Variants in ITGB3BP observed in about 807,000 individuals in gnomAD.
The protein encoded by ITGB3BP is integrin subunit beta 3 binding protein.
In ITGB3BP, 27 loss-of-function variants were observed where a neutral mutation model predicts 29.1. The ratio of observed to expected loss-of-function variants is 0.93; its 90% CI spans 0.68 to 1.28. The LOEUF (loss-of-function observed/expected upper bound fraction) is 1.28, where lower values mean the gene tolerates loss of function less well. Among genes scored for constraint, ITGB3BP ranks in the 50% most tolerant of loss-of-function variants. The probability of loss-of-function intolerance (pLI) is 0.00; values close to 1 mark genes in which losing one functional copy is unlikely to be tolerated. For missense variants in ITGB3BP, 192 were observed against 200.2 expected (o/e 0.96, Z 0.25); for synonymous variants, 61 against 61.4 (o/e 0.99, Z 0.03).
chr1:63,471,128 T>G (rs1416799931), intron 4 of ITGB3BP, among the ~76,000 whole-genome samples: 1 of 152,246 alleles, frequency 6.6e-6, no homozygotes, highest in African/African-American at 2.4e-5. Flanking sequence ...TGCAAATCTT[T>G]TCACGCTGGG....
At chr1:63,444,117 G>T (rs1644760736) in intron 8 of ITGB3BP, among the ~76,000 whole-genome samples, 1 of 152,044 alleles carries the variant, frequency 6.6e-6, no homozygotes, top group Non-Finnish European at 1.5e-5. Context: ...GAAGTTGACT[G>T]GTAGCTCAAC....
chr1:63,450,357 A>G (rs1420897006), intron 7 of ITGB3BP, among the ~76,000 whole-genome samples: 3 of 151,962 alleles, frequency 2.0e-5, no homozygotes, highest in East Asian at 1.9e-4. Context: ...CTGCTCTACA[A>G]TTTGCTTACA....
At chr1:63,471,465 A>G (rs1311795827) in intron 4 of ITGB3BP, among the ~76,000 whole-genome samples, 2 of 151,908 alleles carry the variant, frequency 1.3e-5, no homozygotes, top group Non-Finnish European at 2.9e-5. Context: ...GTTAGCCAGG[A>G]TGGTCTCTAT....
chr1:63,472,706 A>AC (rs1272760813), intron 4 of ITGB3BP, among the ~76,000 whole-genome samples: 1 of 150,888 alleles, frequency 6.6e-6, no homozygotes, highest in Non-Finnish European at 1.5e-5. Flanking sequence ...CCAGCTCCTA[A>AC]CCGCGAGTGA....
At chr1:63,507,454 T>C (rs1301016256) in intron 2 of ITGB3BP, among the ~76,000 whole-genome samples, 1 of 152,136 alleles carries the variant, frequency 6.6e-6, no homozygotes, top group African/African-American at 2.4e-5. Context: ...ATTTAAACAA[T>C]GTTACCATCT....
At chr1:63,459,989 A>C (rs1348952659) in intron 4 of ITGB3BP, among the ~76,000 whole-genome samples, 1 of 152,094 alleles carries the variant, frequency 6.6e-6, no homozygotes, top group East Asian at 1.9e-4. Context: ...AAATCTGGTC[A>C]ATATAAATAA....
chr1:63,503,369 T>C (rs1292112500), intron 2 of ITGB3BP, among the ~76,000 whole-genome samples: 3 of 151,950 alleles, frequency 2.0e-5, no homozygotes, highest in Non-Finnish European at 4.4e-5. Flanking sequence ...GTTGTTTTTT[T>C]CTTGTAAATT....
intron 2 of ITGB3BP, chr1:63,529,116 A>AAAATAC (rs1282249166): frequency 2.0e-5 from 3 of 152,218 alleles, no homozygotes; most frequent in Non-Finnish European, 4.4e-5. Flanking sequence ...CACACTAGGC[A>AAAATAC]AAATACTTAC....
In ITGB3BP at chr1:63,454,905, A is replaced by G; in HGVS notation, c.318T>C (p.Asn106=). 6.5e-7 allele frequency: 1 copy of G among 1,534,896 alleles called. No homozygotes were observed. Among genetic ancestry groups the G allele is most frequent in the Non-Finnish European group, 9.0e-7 (1 of 1,109,686 alleles). Residue 106 remains asparagine (N), a synonymous_variant, in exon 5 of 9, where the codon AAT becomes AAC. Transcript: ENST00000271002. This position sits in a 1 kb window ranked among gnomAD's most constrained non-coding sequence, Gnocchi z 4.1. The part of the protein sequence containing the change: ...LSEEIMEIMQ[N]LSSIQALEGS... ...AAATGCAAACCTGTATACTACTTAAATTTTGCATTATCTCCATGATTTCTT... is the reference window on the plus strand; with the variant it reads ...AAATGCAAACCTGTATACTACTTAAGTTTTGCATTATCTCCATGATTTCTT...
At chr1:63,441,876 G>A (rs780660556) in intron 8 of ITGB3BP, among the ~76,000 whole-genome samples, 5 of 152,164 alleles carry the variant, frequency 3.3e-5, no homozygotes, top group Admixed American at 1.3e-4. Context: ...AGCCCTTGAA[G>A]GAAGCAGCCT....
At chr1:63,469,472 A>ATGGG (rs1645158683) in intron 4 of ITGB3BP, among the ~76,000 whole-genome samples, 2 of 152,126 alleles carry the variant, frequency 1.3e-5, no homozygotes, top group African/African-American at 4.8e-5. Flanking sequence ...GATTACAGAC[A>ATGGG]TGGGCACCAT....
chr1:63,523,677 C>T (rs1646518205), upstream of ITGB3BP: 1 of 173,894 alleles, frequency 5.8e-6, no homozygotes, highest in South Asian at 1.2e-4. Flanking sequence ...CTCCCTCTGT[C>T]CCTCTCTGTG....
chr1:63,525,569 T>C, upstream of ITGB3BP: 1 of 1,483,726 alleles, frequency 6.7e-7, no homozygotes, highest in Non-Finnish European at 8.9e-7. Context: ...TATTTTCCAA[T>C]AGAATGGCGA....
chr1:63,522,946 A>C, intron 1 of ITGB3BP, 183 bp downstream of exon 1: 1 of 790,226 alleles, frequency 1.3e-6, no homozygotes, highest in South Asian at 1.3e-5. Context: ...GGACTATCGT[A>C]TGAGTACCGC....
chr1:63,450,937 G>A (rs750646749), intron 7 of ITGB3BP, among the ~76,000 whole-genome samples: 22 of 151,654 alleles, frequency 1.5e-4, no homozygotes, highest in Non-Finnish European at 3.1e-4. Flanking sequence ...AATTTCTCTT[G>A]AATAAGTTAT....
At chr1:63,467,098 G>T (rs1645111802) in intron 4 of ITGB3BP, among the ~76,000 whole-genome samples, 1 of 152,086 alleles carries the variant, frequency 6.6e-6, no homozygotes, top group South Asian at 2.1e-4. Flanking sequence ...GCCCAGGCTG[G>T]TCTCTAACTC....
At chr1:63,512,206 A>G (rs908229922) in intron 1 of ITGB3BP, among the ~76,000 whole-genome samples, 3 of 152,114 alleles carry the variant, frequency 2.0e-5, no homozygotes, top group Admixed American at 6.5e-5. Flanking sequence ...AAAGCATTTG[A>G]CATGCAATTT....
In ITGB3BP at chr1:63,454,412, A is replaced by G; in HGVS notation, c.395T>C (p.Leu132Ser). 1.2e-6 allele frequency: 2 copies of G among 1,601,414 alleles called. No individual in the cohort carries two copies. Among genetic ancestry groups the G allele is most frequent in the Non-Finnish European group, 1.7e-6 (2 of 1,171,126 alleles). The change falls in exon 6 of 9, where the codon TTA (leucine) becomes TCA (serine). Residue 132 changes from leucine to serine, a missense_variant. Transcript: ENST00000271002. This position sits in a 1 kb window ranked among gnomAD's most constrained non-coding sequence, Gnocchi z 4.1. ...LIGISCASHF[L>S]KREMQKTKEL... ...TTTGGTTTTCTGCATTTCTCTTTTTAAGAAATGTGATGCACAGGAGATTCC... is the reference window on the plus strand; with the variant it reads ...TTTGGTTTTCTGCATTTCTCTTTTTGAGAAATGTGATGCACAGGAGATTCC...
At chr1:63,493,070 C>CCACACACA (rs10643042) in intron 2 of ITGB3BP, among the ~76,000 whole-genome samples, 15,837 of 146,636 alleles carry the variant, frequency 0.11, 1,037 homozygotes, top group South Asian at 0.21. Flanking sequence ...GTGGATCACA[C>CCACACACA]CACACACACA....
Sources: allele counts gnomAD v4.1 joint callset (sites outside exome capture counted in the v4.1 genomes callset), GRCh38; gene constraint gnomAD v4.1.1; non-coding constraint Gnocchi (gnomAD v3.1); transcripts MANE v1.5; gene names NCBI Gene and HGNC (gene_info 2026-07-23, HGNC 2026-07-21).